ACP4: variants seen among roughly 807,000 people sequenced by gnomAD.
ACP4 encodes the protein acid phosphatase 4, also known as testicular acid phosphatase.
Under a neutral mutation model 47.3 loss-of-function variants are expected in ACP4, and 49 were observed. The observed-to-expected ratio is 1.04, with a 90% CI of 0.82 to 1.32. The LOEUF is 1.32. ACP4 is among the 40% of genes most tolerant of loss of function. ACP4 has a pLI of 0.00. For missense variants in ACP4, 594 were observed against 579.3 expected (o/e 1.03, Z -0.26); for synonymous variants, 299 against 265.3 (o/e 1.13, Z -1.23).
chr19:50,793,799 A>G lies in ACP4; in HGVS notation c.761A>G (p.Lys254Arg). ...GTGGGCCCACCCCGGGCAGCAGAGA[A>G]GGCCCAGCTGACAGGGGGTGAGGTG... ...AHVGPPRAAE[K>R]AQLTGGILLN... is the part of the protein sequence containing the mutation. Residue 254 changes from lysine to arginine, a missense_variant, in exon 7 of 11, where the codon AAG (lysine) becomes AGG (arginine). Lys to Arg is a conservative substitution (Grantham distance 26). Coordinates refer to ENST00000270593, the MANE Select transcript of ACP4 (RefSeq NM_033068.3). 6.2e-7 allele frequency: 1 copy of G among 1,613,962 alleles called. No homozygotes were observed. Among genetic ancestry groups the G allele is most frequent in the Non-Finnish European group, 8.5e-7 (1 of 1,180,022 alleles).
At position 50,795,025 on chromosome 19, in the gene ACP4, C is replaced by T. The variant is rs182291219; in HGVS notation, c.1166-18C>T. ...TTGCCAAGTCCTGGCACTCACCCCC[C>T]GCGTGTTCTCCCTGCAGCTCCAGTG... On this transcript the variant is annotated intron_variant, in intron 10 of 10. Coordinates refer to ENST00000270593, the MANE Select transcript of ACP4 (RefSeq NM_033068.3). The T allele has an allele frequency of 3.7e-4, 592 of 1,612,546 alleles. 1 individual carries two copies. The African/African-American group carries it at 6.7e-3, about 18-fold the overall frequency.
intron 9 of ACP4, 38 bp downstream of exon 9, chr19:50,794,619 A>T (rs764834281): frequency 6.2e-7 from 1 of 1,613,836 alleles, no homozygotes; most frequent in Admixed American, 1.7e-5. Flanking sequence ...TGGGTGGGAC[A>T]GAACTCTCAA....
At chr19:50,793,589 G>A in intron 6 of ACP4, 95 bp from the exon 7 acceptor site, 8 of 1,518,826 alleles carry the variant, frequency 5.3e-6, no homozygotes, top group Non-Finnish European at 7.1e-6. Context: ...TCCGGCCCAT[G>A]GGGGGACTCA....
intron 6 of ACP4, 167 bp downstream of exon 6, chr19:50,792,504 G>T: frequency 1.5e-6 from 1 of 649,990 alleles, no homozygotes. Flanking sequence ...TCCCCAGGAC[G>T]CTGTGAGGAT....
At position 50,794,862 on chromosome 19, in the gene ACP4, GC is replaced by G. The variant is rs745834834; in HGVS notation, c.1068del (p.Cys357ValfsTer3). 1.9e-6 allele frequency: 3 copies of G among 1,613,664 alleles called. No individual in the cohort carries two copies. Among genetic ancestry groups the G allele is most frequent in the South Asian group, 1.1e-5 (1 of 90,996 alleles). On this transcript the variant is annotated frameshift_variant, in exon 10 of 11. Coordinates refer to ENST00000270593, the MANE Select transcript of ACP4 (RefSeq NM_033068.3). LOFTEE classifies it high-confidence loss of function. ...GCCTCTCAGCCTCCCCGGGTGCCCG[GC>G]CCCCTGTCCACTAGGCCGCTTCTAC... Reference protein sequence around the residue: ...PLPLSLPGCPAPCPLGRFYQL... With the variant: ...PLPLSLPGCPXPCPLGRFYQL...
chr19:50,792,381 T>G (rs2089517975), intron 6 of ACP4, 44 bp downstream of exon 6: 1 of 1,588,086 alleles, frequency 6.3e-7, no homozygotes, highest in Admixed American at 1.7e-5. Flanking sequence ...GGACACCTGT[T>G]TCCAATCCCA....
chr19:50,794,755 G>A (rs1244485878), intron 9 of ACP4, 31 bp from the exon 10 acceptor site: 2 of 1,577,624 alleles, frequency 1.3e-6, no homozygotes, highest in Middle Eastern at 1.7e-4. Context: ...TGACAGGAGG[G>A]AGGAGGTGCC....
intron 6 of ACP4, 159 bp from the exon 7 acceptor site, chr19:50,793,525 A>AC: frequency 8.9e-7 from 1 of 1,129,218 alleles, no homozygotes; most frequent in Non-Finnish European, 1.2e-6. Flanking sequence ...AAAACAAAAA[A>AC]CAACAACAAA....
rs182291219 is a variant in ACP4 at position 50,795,025 on chromosome 19, C to G, written c.1166-18C>G. On this transcript the variant is annotated intron_variant, in intron 10 of 10. Coordinates refer to ENST00000270593, the MANE Select transcript of ACP4 (RefSeq NM_033068.3). ...TTGCCAAGTCCTGGCACTCACCCCC[C>G]GCGTGTTCTCCCTGCAGCTCCAGTG... 1.4e-5 allele frequency: 22 copies of G among 1,612,550 alleles called. No homozygotes were observed. The highest frequency in any genetic ancestry group is 4.4e-5 in the South Asian group (4 of 91,024).
Position 50,795,023 on chromosome 19 carries a change from C to T in ACP4, c.1166-20C>T, listed in dbSNP as rs758009642. On this transcript the variant is annotated intron_variant, in intron 10 of 10. Coordinates refer to ENST00000270593, the MANE Select transcript of ACP4 (RefSeq NM_033068.3). ...GGTTGCCAAGTCCTGGCACTCACCC[C>T]CCGCGTGTTCTCCCTGCAGCTCCAG... 65 of 1,612,604 alleles carry T rather than the reference C, an allele frequency of 4.0e-5. No homozygotes were observed. Among genetic ancestry groups the T allele is most frequent in the African/African-American group, 2.3e-4 (17 of 74,810 alleles).
Position 50,795,083 on chromosome 19 carries a change from G to A in ACP4, c.1206G>A (p.Leu402=), listed in dbSNP as rs758350927. 1.3e-6 allele frequency: 2 copies of A among 1,594,320 alleles called. No homozygotes were observed. Among genetic ancestry groups the A allele is most frequent in the East Asian group, 2.3e-5 (1 of 43,562 alleles). Residue 402 remains leucine (L), a synonymous_variant, in exon 11 of 11, where the codon CTG becomes CTA. Transcript: ENST00000270593. ...TGCTGGCCGGAGCTGTAGCTGTGCT[G>A]GTGGCACTCAGCTTGGGGCTGGGCC... ...VPLLAGAVAV[L]VALSLGLGLL...
rs1199716116 is a variant in ACP4 at position 50,790,838 on chromosome 19, G to C, written c.281G>C (p.Ser94Thr). 6.5e-7 allele frequency: 1 copy of C among 1,548,940 alleles called. No individual in the cohort carries two copies. The change falls in exon 3 of 11, where the codon AGT (serine) becomes ACT (threonine). Residue 94 changes from serine (S) to threonine (T), a missense_variant. Transcript: ENST00000270593. ...AGGAGCCGCTACGAGGCCTTCCTGA[G>C]TCCGGAGTACCGGCGGGAGGAGGTA... ...FLRSRYEAFL[S>T]PEYRREEVYI...
intron 2 of ACP4, 35 bp from the exon 3 acceptor site, chr19:50,790,739 T>TG (rs1555755461): frequency 1.2e-6 from 1 of 821,064 alleles, no homozygotes; most frequent in Non-Finnish European, 1.8e-6. Context: ...GTGGGAGGGG[T>TG]GGGGAGTGGT....
rs1359163838 is a variant in ACP4 at position 50,794,812 on chromosome 19, G to A, written c.1013G>A (p.Arg338His). Reference sequence around the variant, plus strand: ...AATGTCACCGTCTCCCTCTTCTACCGCAATGACTCCGCCCACCTGCCCCTG... The same window carrying A: ...AATGTCACCGTCTCCCTCTTCTACCACAATGACTCCGCCCACCTGCCCCTG... ...GGNVTVSLFY[R>H]NDSAHLPLPL... The change falls in exon 10 of 11, where the codon CGC (arginine) becomes CAC (histidine). Residue 338 changes from arginine to histidine, a missense_variant. Coordinates refer to ENST00000270593, the MANE Select transcript of ACP4 (RefSeq NM_033068.3). 3.1e-6 allele frequency: 5 copies of A among 1,608,388 alleles called. No individual in the cohort carries two copies. The highest frequency in any genetic ancestry group is 2.2e-5 in the East Asian group (1 of 44,826).
chr19:50,794,577 G>A lies in ACP4; in HGVS notation c.982G>A (p.Gly328Arg), dbSNP rs773357384. The A allele has an allele frequency of 1.9e-6, 3 of 1,613,966 alleles. No homozygotes were observed. Among genetic ancestry groups the A allele is most frequent in the Non-Finnish European group, 2.5e-6 (3 of 1,180,004 alleles). ...GCACCTGGGGAATCCCGCCAAAGAT[G>A]GAGGGTGAGAATGGTTTGGTGCCCA... ...RKHLGNPAKDGGNVTVSLFYR... is the reference protein window; with the variant it reads ...RKHLGNPAKDRGNVTVSLFYR... Residue 328 changes from glycine to arginine, a missense_variant, in exon 9 of 11, where the codon GGA (glycine) becomes AGA (arginine). Coordinates refer to ENST00000270593, the MANE Select transcript of ACP4 (RefSeq NM_033068.3).
chr19:50,792,354 C>A lies in ACP4; in HGVS notation c.645+17C>A. On this transcript the variant is annotated intron_variant, in intron 6 of 10. Coordinates refer to ENST00000270593, the MANE Select transcript of ACP4 (RefSeq NM_033068.3). ...ATGTGCCAGGTGAGCCCTGCCCCTT[C>A]CCAGCCAAGGGTTTAAGGACACCTG... The A allele has an allele frequency of 2.5e-6, 4 of 1,611,670 alleles. No individual in the cohort carries two copies. Among genetic ancestry groups the A allele is most frequent in the Non-Finnish European group, 3.4e-6 (4 of 1,179,406 alleles).
chr19:50,794,083 G>A, intron 8 of ACP4, 113 bp downstream of exon 8: 3 of 1,280,184 alleles, frequency 2.3e-6, no homozygotes, highest in Non-Finnish European at 3.4e-6. Context: ...ACTGCCTGGG[G>A]TAACCCGTAT....
In ACP4 at chr19:50,794,923, G is replaced by C; in HGVS notation, c.1124G>C (p.Gly375Ala). 1 of 1,613,446 alleles carries C rather than the reference G, an allele frequency of 6.2e-7. No homozygotes were observed. Among genetic ancestry groups the C allele is most frequent in the Non-Finnish European group, 8.5e-7 (1 of 1,179,884 alleles). The change falls in exon 10 of 11, where the codon GGG becomes GCG. Residue 375 changes from glycine (G) to alanine (A), a missense_variant. Transcript: ENST00000270593. The stretch of plus-strand genomic sequence containing the variant: ...GCCCCGGCCCGGCCTCCCGCCCATG[G>C]GGTCTCCTGCCATGGCCCCTATGAG... Reference protein sequence around the residue: ...LTAPARPPAHGVSCHGPYEAA... With the variant: ...LTAPARPPAHAVSCHGPYEAA...
intron 4 of ACP4, 36 bp from the exon 5 acceptor site, chr19:50,792,037 A>G (rs2089513377): frequency 1.3e-6 from 2 of 1,540,680 alleles, no homozygotes; most frequent in African/African-American, 2.7e-5. Context: ...AAGGCAAGGC[A>G]CACGGCTGTC....
Sources: gnomAD v4.1 joint callset for allele counts on GRCh38, gnomAD v4.1.1 for gene constraint, MANE v1.5 for transcripts, NCBI Gene and HGNC (gene_info 2026-07-23, HGNC 2026-07-21) for gene names.